Variants in ABCA13 observed in about 807,000 individuals in gnomAD.
ABCA13 encodes the protein ATP-binding cassette sub-family A member 13.
In ABCA13, 476 loss-of-function variants were observed where a neutral mutation model predicts 478.7. The observed-to-expected ratio is 0.99, with a 90% CI of 0.92 to 1.07. The LOEUF (loss-of-function observed/expected upper bound fraction) is 1.07. ABCA13 is among the 50% of genes least tolerant of loss of function. ABCA13 has a pLI of 0.00. For missense variants in ABCA13, 6,060 were observed against 5,910.6 expected (o/e 1.03, Z -0.83); for synonymous variants, 2,252 against 2,158.9 (o/e 1.04, Z -1.20).
intron 32 of ABCA13, 92 bp from the exon 33 acceptor site, chr7:48,372,076 C>T: frequency 7.0e-6 from 9 of 1,279,960 alleles, no homozygotes; most frequent in Non-Finnish European, 8.5e-6. Flanking sequence ...ATTTACCTTT[C>T]CACTGGTCCA....
intron 3 of ABCA13, among the ~76,000 whole-genome samples, chr7:48,208,878 C>T (rs1785260808): frequency 6.6e-6 from 1 of 151,872 alleles, no homozygotes; most frequent in Non-Finnish European, 1.5e-5. Context: ...CATTCCAGTT[C>T]CAAATCTTAA....
At chr7:48,413,694 T>G (rs547044313) in intron 41 of ABCA13, among the ~76,000 whole-genome samples, 1 of 152,200 alleles carries the variant, frequency 6.6e-6, no homozygotes, top group African/African-American at 2.4e-5. Flanking sequence ...AGGCAATCTT[T>G]TGTGTGATAA....
At chr7:48,336,247 A>G (rs1806248994) in intron 28 of ABCA13, among the ~76,000 whole-genome samples, 1 of 152,206 alleles carries the variant, frequency 6.6e-6, no homozygotes, top group South Asian at 2.1e-4. Context: ...GTTATGAGGT[A>G]TAAATGGGTC....
At chr7:48,471,975 G>C (rs1368887634) in intron 45 of ABCA13, among the ~76,000 whole-genome samples, 1 of 152,178 alleles carries the variant, frequency 6.6e-6, no homozygotes, top group Non-Finnish European at 1.5e-5. Flanking sequence ...ATTTGGGCTA[G>C]ATATTAACAG....
intron 31 of ABCA13, among the ~76,000 whole-genome samples, chr7:48,365,282 ATTTGTT>A (rs1271689959): frequency 6.6e-6 from 1 of 151,858 alleles, no homozygotes; most frequent in Admixed American, 6.6e-5. Flanking sequence ...TTGCTATTGT[ATTTGTT>A]TGAGTTTCTT....
chr7:48,510,743 T>C (rs976998549), intron 50 of ABCA13, among the ~76,000 whole-genome samples: 1 of 152,180 alleles, frequency 6.6e-6, no homozygotes, highest in Non-Finnish European at 1.5e-5. Flanking sequence ...ATGTCAGCCC[T>C]CTGAGAGTGA....
chr7:48,289,780 C>T (rs1798255103), intron 20 of ABCA13, among the ~76,000 whole-genome samples: 2 of 152,188 alleles, frequency 1.3e-5, no homozygotes, highest in African/African-American at 4.8e-5. Context: ...ATATGATTGT[C>T]AACAAGTCTG....
chr7:48,219,883 AACACACACACACACACACACAC>A (rs3065570), intron 4 of ABCA13, among the ~76,000 whole-genome samples: 9 of 126,572 alleles, frequency 7.1e-5, no homozygotes, highest in East Asian at 2.4e-4. Flanking sequence ...ACCTTCCCCA[AACACACACACACACACACACAC>A]ACACACACAC....
intron 31 of ABCA13, among the ~76,000 whole-genome samples, chr7:48,354,154 A>G (rs1463072342): frequency 6.6e-6 from 1 of 151,894 alleles, no homozygotes; most frequent in Non-Finnish European, 1.5e-5. Flanking sequence ...TATTATGCTC[A>G]TTTTCTAAAG....
At chr7:48,600,210 A>AT (rs1175917850) in intron 58 of ABCA13, among the ~76,000 whole-genome samples, 7 of 151,972 alleles carry the variant, frequency 4.6e-5, no homozygotes, top group African/African-American at 1.7e-4. Context: ...CTTAAATCCT[A>AT]TTTTGTTTCT....
At chr7:48,233,808 T>C (rs775414445) in intron 7 of ABCA13, among the ~76,000 whole-genome samples, 2 of 152,220 alleles carry the variant, frequency 1.3e-5, no homozygotes, top group Non-Finnish European at 2.9e-5. Flanking sequence ...GTTGCAACCA[T>C]TTGTGCCAGG....
intron 58 of ABCA13, among the ~76,000 whole-genome samples, chr7:48,598,301 A>T (rs901833349): frequency 3.3e-5 from 5 of 152,050 alleles, no homozygotes; most frequent in African/African-American, 9.7e-5. Flanking sequence ...CACTATCTGG[A>T]TGTACTACAG....
intron 55 of ABCA13, among the ~76,000 whole-genome samples, chr7:48,562,545 T>C (rs904579204): frequency 5.4e-5 from 8 of 147,170 alleles, no homozygotes; most frequent in African/African-American, 2.1e-4. Context: ...TTGGGTACCA[T>C]AGAACCTAAC....
intron 59 of ABCA13, among the ~76,000 whole-genome samples, chr7:48,630,561 G>A (rs371002763): frequency 6.6e-6 from 1 of 152,054 alleles, no homozygotes; most frequent in Admixed American, 6.6e-5. Flanking sequence ...TTAGCTGATG[G>A]TCATTTAGGT....
Sources: allele counts gnomAD v4.1 joint callset (sites outside exome capture counted in the v4.1 genomes callset), GRCh38; gene constraint gnomAD v4.1.1; transcripts MANE v1.5; gene names NCBI Gene and HGNC (gene_info 2026-07-23, HGNC 2026-07-21).